The following ELP3 variants were observed in gnomAD, a reference collection of about 807,000 sequenced individuals.
ELP3 encodes elongator acetyltransferase complex subunit 3.
In ELP3, 56 loss-of-function variants were observed where a neutral mutation model predicts 74.9. The ratio of observed to expected loss-of-function variants is 0.75; its 90% confidence interval spans 0.60 to 0.93. The LOEUF is 0.93. Among genes scored for constraint, ELP3 ranks in the 40% least tolerant of loss-of-function variants. ELP3 has a pLI of 0.00. For missense variants in ELP3, 573 were observed against 686.5 expected, an observed-to-expected ratio of 0.83 and a Z score of 1.85; for synonymous variants, 222 against 239.8, an observed-to-expected ratio of 0.93 and a Z score of 0.68.
intron 2 of ELP3, 126 bp from the exon 3 acceptor site, chr8:28,099,702 A>G: frequency 9.4e-7 from 1 of 1,065,268 alleles, no homozygotes; most frequent in Non-Finnish European, 1.4e-6. Context: ...TCTTAAAACT[A>G]TCCTTGTCAC....
chr8:28,100,389 G>T (rs1160504932), intron 3 of ELP3, among the ~76,000 whole-genome samples: 3 of 152,234 alleles, frequency 2.0e-5, no homozygotes, highest in African/African-American at 4.8e-5. Context: ...CAGCAAAAGG[G>T]GCTGGGGAAG....
upstream of ELP3, among the ~76,000 whole-genome samples, chr8:28,091,955 T>TA (rs1669027914): frequency 2.0e-5 from 3 of 152,304 alleles, 1 homozygote; most frequent in South Asian, 6.2e-4. Flanking sequence ...AAAGTAAACA[T>TA]AGAGGAAGGA....
rs1382318611 is a variant in ELP3, at chr8:28,164,156, CTT to C, written c.1567+2082_1567+2083del. Among the ~76,000 whole-genome samples the C allele has an allele frequency of 3.9e-5, 6 of 152,270 alleles. No homozygotes were observed. In the East Asian group the frequency reaches 1.2e-3, roughly 29 times the overall value. ...TCGTCTGCCTTTATGACATCTGTGT[CTT>C]TTTACACTGTTGCATGCAGAGAGGA... On this transcript the variant is annotated intron_variant, in intron 14 of 14. Transcript: ENST00000256398.
chr8:28,092,947 G>A, upstream of ELP3: 1 of 607,438 alleles, frequency 1.6e-6, no homozygotes, highest in Non-Finnish European at 3.0e-6. Flanking sequence ...ACCCCAAGAT[G>A]CCACTCCGTT....
At chr8:28,182,334 T>C (rs1238416274) in intron 14 of ELP3, among the ~76,000 whole-genome samples, 1 of 152,056 alleles carries the variant, frequency 6.6e-6, no homozygotes, top group South Asian at 2.1e-4. Flanking sequence ...CTGAGGCACA[T>C]GGATTGCCTG....
intron 1 of ELP3, among the ~76,000 whole-genome samples, chr8:28,095,971 G>A (rs1304660460): frequency 6.6e-6 from 1 of 152,196 alleles, no homozygotes; most frequent in African/African-American, 2.4e-5. Context: ...CAGCAGGCGA[G>A]CAAGTGAAGC....
chr8:28,137,592 C>T (rs754765289), intron 9 of ELP3, 106 bp from the exon 10 acceptor site: 12 of 1,102,306 alleles, frequency 1.1e-5, no homozygotes, highest in East Asian at 9.5e-5. Flanking sequence ...AAAGGCTGCC[C>T]CAGGGCCTAC....
chr8:28,133,114 C>T (rs55759364), intron 9 of ELP3, among the ~76,000 whole-genome samples: 18,726 of 152,078 alleles, frequency 0.12, 1,276 homozygotes, highest in East Asian at 0.31. Flanking sequence ...TGCATATGCA[C>T]ATATGTACAT....
intron 10 of ELP3, among the ~76,000 whole-genome samples, chr8:28,155,336 C>A (rs1288451831): frequency 6.6e-6 from 1 of 152,154 alleles, no homozygotes; most frequent in Non-Finnish European, 1.5e-5. Context: ...TGGAAGTTTC[C>A]TTGATGCCTG....
At chr8:28,106,881 C>A in intron 4 of ELP3, 98 bp downstream of exon 4, 1 of 846,034 alleles carries the variant, frequency 1.2e-6, no homozygotes. Context: ...ATGTTTAAAA[C>A]TTCAGCTTAA....
chr8:28,105,245 C>T (rs1811642236), intron 3 of ELP3, among the ~76,000 whole-genome samples: 1 of 152,028 alleles, frequency 6.6e-6, no homozygotes, highest in East Asian at 1.9e-4. Flanking sequence ...AAAAAATTAG[C>T]CAGGCATGGT....
At chr8:28,160,602 T>C (rs1291651047) in intron 13 of ELP3, 146 bp downstream of exon 13, 1 of 701,402 alleles carries the variant, frequency 1.4e-6, no homozygotes, top group African/African-American at 1.8e-5. Context: ...AGTGTTTTAG[T>C]TGTTCAGAGA....
At chr8:28,167,908 T>G (rs1199893096) in intron 14 of ELP3, among the ~76,000 whole-genome samples, 2 of 152,242 alleles carry the variant, frequency 1.3e-5, no homozygotes, top group African/African-American at 4.8e-5. Context: ...AAAGTATTTC[T>G]TTACTACAGG....
chr8:28,121,262 G>A (rs1306821516), intron 7 of ELP3, among the ~76,000 whole-genome samples: 1 of 150,020 alleles, frequency 6.7e-6, no homozygotes, highest in Non-Finnish European at 1.5e-5. Context: ...ATTTGTATGT[G>A]TTTTGGTGCT....
upstream of ELP3, chr8:28,093,025 C>T (rs1344230921): frequency 1.8e-5 from 17 of 925,816 alleles, no homozygotes; most frequent in Non-Finnish European, 2.4e-5. Context: ...CACGGGCCGC[C>T]TGCTACCCTG....
intron 10 of ELP3, among the ~76,000 whole-genome samples, chr8:28,140,341 A>G (rs886531646): frequency 6.6e-6 from 1 of 152,192 alleles, no homozygotes; most frequent in Non-Finnish European, 1.5e-5. Context: ...GAGCATCAAA[A>G]TAAATATTGA....
rs755774560 is a variant in ELP3, at chr8:28,129,605, A to G, written c.721A>G (p.Thr241Ala). 1.2e-6 allele frequency: 2 copies of G among 1,614,200 alleles called. No homozygotes were observed. Among genetic ancestry groups the G allele is most frequent in the Non-Finnish European group, 1.7e-6 (2 of 1,179,992 alleles). ...HLSDMLTYGC[T>A]RLEIGVQSVY... ...AAGTGACATGTTGACCTATGGCTGCACAAGGCTGGAGATTGGGGTGCAGAG... is the reference window on the plus strand; with the variant it reads ...AAGTGACATGTTGACCTATGGCTGCGCAAGGCTGGAGATTGGGGTGCAGAG... The change falls in exon 8 of 15, where the codon ACA (threonine) becomes GCA (alanine). Residue 241 changes from threonine (T) to alanine (A), a missense_variant. Coordinates refer to ENST00000256398, the MANE Select transcript of ELP3 (RefSeq NM_018091.6).
intron 11 of ELP3, among the ~76,000 whole-genome samples, chr8:28,158,346 T>A (rs1054197857): frequency 6.6e-6 from 1 of 152,200 alleles, no homozygotes; most frequent in Non-Finnish European, 1.5e-5. Context: ...CTGTACTACT[T>A]CATACATTCC....
chr8:28,117,335 T>C (rs1032210170), intron 7 of ELP3, among the ~76,000 whole-genome samples: 1 of 152,216 alleles, frequency 6.6e-6, no homozygotes, highest in African/African-American at 2.4e-5. Flanking sequence ...GCAGAAATGT[T>C]CTAGTGCTAA....
Sources: allele counts gnomAD v4.1 joint callset (sites outside exome capture counted in the v4.1 genomes callset), GRCh38; gene constraint gnomAD v4.1.1; transcripts MANE v1.5; gene names NCBI Gene and HGNC (gene_info 2026-07-23, HGNC 2026-07-21).